RAB5C: variants seen among roughly 807,000 people sequenced by gnomAD.
The protein encoded by RAB5C is ras-related protein Rab-5C.
In RAB5C, 4 loss-of-function variants were observed where a neutral mutation model predicts 25.2. That is an observed-to-expected ratio of 0.16 (90% confidence interval 0.08 to 0.36). The LOEUF (loss-of-function observed/expected upper bound fraction) is 0.36. Ranked by LOEUF, RAB5C falls within the 10% of genes least tolerant of loss-of-function variation. The probability of loss-of-function intolerance (pLI) is 1.00; values close to 1 mark genes in which losing one functional copy is unlikely to be tolerated. For missense variants in RAB5C, 199 were observed against 283.8 expected (o/e 0.70, Z 2.15); for synonymous variants, 100 against 106.4 (o/e 0.94, Z 0.37).
chr17:42,142,362 C>G (rs1253788600), intron 1 of RAB5C, among the ~76,000 whole-genome samples: 1 of 152,138 alleles, frequency 6.6e-6, no homozygotes. Flanking sequence ...CCCAAATGCC[C>G]TTCCTTCCAT....
intron 1 of RAB5C, among the ~76,000 whole-genome samples, chr17:42,131,122 G>A (rs2054481406): frequency 6.6e-6 from 1 of 152,150 alleles, no homozygotes; most frequent in Non-Finnish European, 1.5e-5. Context: ...CCAACCTCAT[G>A]GCCATTCAGG....
intron 5 of RAB5C, chr17:42,126,542 G>A: frequency 3.5e-6 from 1 of 288,100 alleles, no homozygotes; most frequent in East Asian, 6.5e-5. Context: ...TGAGGCAGGA[G>A]AATGGCGTGA....
At chr17:42,139,999 T>G (rs1347129960) in intron 1 of RAB5C, among the ~76,000 whole-genome samples, 1 of 152,168 alleles carries the variant, frequency 6.6e-6, no homozygotes, top group Non-Finnish European at 1.5e-5. Flanking sequence ...GCTAGGACAT[T>G]TCTCACCGGA....
chr17:42,128,369 C>A lies in RAB5C; in HGVS notation c.333G>T (p.Arg111=), dbSNP rs1217993058. Residue 111 remains arginine (R), a synonymous_variant, in exon 4 of 6, where the codon CGG becomes CGT. Transcript: ENST00000346213. ...YDITNTDTFA[R]AKNWVKELQR... is the part of the protein sequence containing the mutation. Reference sequence around the variant, plus strand: ...GTAGCTCCTTCACCCAGTTCTTGGCCCGTGCAAATGTATCCTGAGGAGACA... The same window carrying A: ...GTAGCTCCTTCACCCAGTTCTTGGCACGTGCAAATGTATCCTGAGGAGACA... The A allele has an allele frequency of 6.2e-7, 1 of 1,613,574 alleles. No individual in the cohort carries two copies. Among genetic ancestry groups the A allele is most frequent in the Non-Finnish European group, 8.5e-7 (1 of 1,179,804 alleles).
chr17:42,145,553 G>A (rs2079630603), intron 1 of RAB5C, among the ~76,000 whole-genome samples: 1 of 152,214 alleles, frequency 6.6e-6, no homozygotes, highest in Admixed American at 6.5e-5. Context: ...CACCACTTTG[G>A]GAAGCTGAGG....
intron 2 of RAB5C, 92 bp from the exon 3 acceptor site, chr17:42,128,892 GC>G: frequency 8.5e-7 from 1 of 1,176,922 alleles, no homozygotes; most frequent in Non-Finnish European, 1.1e-6. Flanking sequence ...GCACTCAGAA[GC>G]CCACCACTGA....
chr17:42,137,197 T>G (rs1044056753), intron 1 of RAB5C, among the ~76,000 whole-genome samples: 1 of 151,874 alleles, frequency 6.6e-6, no homozygotes, highest in Non-Finnish European at 1.5e-5. Context: ...TCCCAGCTAC[T>G]TGGGAGGCTG....
At chr17:42,128,597 T>C in intron 3 of RAB5C, 52 bp downstream of exon 3, 2 of 1,381,818 alleles carry the variant, frequency 1.4e-6, no homozygotes, top group Non-Finnish European at 1.9e-6. Flanking sequence ...ACCCAATCCC[T>C]GGGACTTTGA....
chr17:42,152,260 T>A (rs1283017941), intron 1 of RAB5C, among the ~76,000 whole-genome samples: 1 of 152,120 alleles, frequency 6.6e-6, no homozygotes, highest in East Asian at 1.9e-4. Context: ...AGTGTTACTG[T>A]CCCTCTACAG....
At chr17:42,147,844 C>T (rs1568025366) in intron 1 of RAB5C, among the ~76,000 whole-genome samples, 1 of 152,218 alleles carries the variant, frequency 6.6e-6, no homozygotes, top group Non-Finnish European at 1.5e-5. Context: ...CACCTGTAAT[C>T]CCAGCACTTT....
intron 1 of RAB5C, among the ~76,000 whole-genome samples, chr17:42,144,411 C>T (rs887242658): frequency 2.6e-5 from 4 of 151,872 alleles, no homozygotes; most frequent in African/African-American, 9.7e-5. Flanking sequence ...GAGCCAAGAT[C>T]GCACCACTGC....
At chr17:42,144,150 T>C (rs1598255369) in intron 1 of RAB5C, among the ~76,000 whole-genome samples, 1 of 152,048 alleles carries the variant, frequency 6.6e-6, no homozygotes, top group Non-Finnish European at 1.5e-5. Context: ...ATATAAATAA[T>C]TGAACAAATA....
At chr17:42,140,269 T>A (rs1234168383) in intron 1 of RAB5C, among the ~76,000 whole-genome samples, 1 of 151,970 alleles carries the variant, frequency 6.6e-6, no homozygotes, top group Non-Finnish European at 1.5e-5. Flanking sequence ...GCCCCTTTGT[T>A]TTGCCTTCAG....
intron 1 of RAB5C, among the ~76,000 whole-genome samples, chr17:42,132,922 C>T (rs1363959164): frequency 6.6e-6 from 1 of 152,160 alleles, no homozygotes. Context: ...CCCCCCAGAC[C>T]CACCATAGAC....
intron 1 of RAB5C, among the ~76,000 whole-genome samples, chr17:42,135,579 C>T (rs938765088): frequency 1.4e-4 from 22 of 152,066 alleles, no homozygotes; most frequent in African/African-American, 5.3e-4. Context: ...GAAAGGCACC[C>T]CCGATCAGTG....
At chr17:42,151,548 T>C (rs2079671708) in intron 1 of RAB5C, among the ~76,000 whole-genome samples, 1 of 152,158 alleles carries the variant, frequency 6.6e-6, no homozygotes, top group African/African-American at 2.4e-5. Flanking sequence ...GAGCTCCTGG[T>C]GGCAAGCCAC....
intron 1 of RAB5C, among the ~76,000 whole-genome samples, chr17:42,148,825 G>A (rs922377732): frequency 1.3e-5 from 2 of 152,198 alleles, no homozygotes; most frequent in African/African-American, 4.8e-5. Context: ...AGGAGAGGCT[G>A]TATTGAATAG....
intron 1 of RAB5C, among the ~76,000 whole-genome samples, chr17:42,152,835 A>G (rs960800595): frequency 5.3e-5 from 8 of 152,042 alleles, no homozygotes; most frequent in Non-Finnish European, 1.2e-4. Context: ...GTCCAGACAA[A>G]GAAAAGAAGG....
At chr17:42,148,392 A>C (rs1230044172) in intron 1 of RAB5C, among the ~76,000 whole-genome samples, 1 of 142,090 alleles carries the variant, frequency 7.0e-6, no homozygotes, top group African/African-American at 2.8e-5. Context: ...TGAGAGGTCA[A>C]GACTCCATCT....
Sources: allele counts gnomAD v4.1 joint callset (sites outside exome capture counted in the v4.1 genomes callset), GRCh38; gene constraint gnomAD v4.1.1; transcripts MANE v1.5; gene names NCBI Gene and HGNC (gene_info 2026-07-23, HGNC 2026-07-21).